The following NDUFAB1 variants were observed in gnomAD, a reference collection of about 807,000 sequenced individuals.
The protein encoded by NDUFAB1 is NADH:ubiquinone oxidoreductase subunit AB1.
NDUFAB1 carries 5 observed loss-of-function variants against 16.1 expected under a neutral mutation model. The observed-to-expected ratio is 0.31, with a 90% CI of 0.16 to 0.65. NDUFAB1 has a LOEUF of 0.65. NDUFAB1 is among the 30% of genes least tolerant of loss of function. The pLI is 0.77. For missense variants in NDUFAB1, 187 were observed against 205.3 expected, an observed-to-expected ratio of 0.91 and a Z score of 0.54; for synonymous variants, 85 against 78.4, an observed-to-expected ratio of 1.08 and a Z score of -0.44.
chr16:23,595,143 C>CG (rs200427402), intron 1 of NDUFAB1, among the ~76,000 whole-genome samples: 18 of 151,976 alleles, frequency 1.2e-4, no homozygotes, highest in South Asian at 1.0e-3. Flanking sequence ...CCCAAATACT[C>CG]GGGGGGGCTG....
intron 1 of NDUFAB1, among the ~76,000 whole-genome samples, chr16:23,595,801 A>C (rs1966320186): frequency 6.6e-6 from 1 of 152,184 alleles, no homozygotes; most frequent in Non-Finnish European, 1.5e-5. Flanking sequence ...TCTAATCCTC[A>C]TTGCTACTCC....
rs768567169 is a variant in NDUFAB1, at chr16:23,582,263, TAA to T, written c.*8+11_*8+12del. On this transcript the variant is annotated intron_variant, in intron 4 of 4. Coordinates refer to ENST00000007516, the MANE Select transcript of NDUFAB1 (RefSeq NM_005003.3). ...AAATCTATGGGTGAACATCATTTTT[TAA>T]GTCTATTTACCTGATACTTTATTCA... is the stretch of plus-strand genomic sequence containing the variant. 5.1e-5 allele frequency: 75 copies of T among 1,463,466 alleles called. No homozygotes were observed. In the Middle Eastern group the frequency reaches 7.2e-4, roughly 14 times the overall value. 90.7% of individuals were successfully genotyped at this position (1,463,466 alleles called of 1,614,324 possible). A position where few individuals can be genotyped will look rare whatever the true frequency, so the allele number is the denominator to read the frequency against.
At chr16:23,594,337 T>A (rs1966304421) in intron 1 of NDUFAB1, among the ~76,000 whole-genome samples, 1 of 152,056 alleles carries the variant, frequency 6.6e-6, no homozygotes, top group Non-Finnish European at 1.5e-5. Flanking sequence ...TAGTACTCAC[T>A]TCTAGATTCT....
chr16:23,585,245 T>A, intron 3 of NDUFAB1, 91 bp downstream of exon 3: 1 of 926,274 alleles, frequency 1.1e-6, no homozygotes, highest in Non-Finnish European at 1.7e-6. Context: ...TAATATTTAA[T>A]TCTAATTCCA....
At chr16:23,595,719 C>T (rs1597058035) in intron 1 of NDUFAB1, 1 of 458,700 alleles carries the variant, frequency 2.2e-6, no homozygotes, top group South Asian at 1.6e-5. Context: ...TGCCTCTTTG[C>T]ATGCTGCTTT....
At chr16:23,590,582 A>G (rs1412603356) in intron 1 of NDUFAB1, among the ~76,000 whole-genome samples, 1 of 151,232 alleles carries the variant, frequency 6.6e-6, no homozygotes, top group Non-Finnish European at 1.5e-5. Flanking sequence ...CCTTGGCTGT[A>G]GCGTAGCCCC....
intron 1 of NDUFAB1, among the ~76,000 whole-genome samples, chr16:23,595,271 A>AAACAAC (rs377092410): frequency 1.3e-5 from 2 of 152,110 alleles, no homozygotes; most frequent in African/African-American, 4.8e-5. Flanking sequence ...TCTGTCTCAA[A>AAACAAC]AACAACAACA....
At chr16:23,587,464 A>G in intron 1 of NDUFAB1, 145 bp from the exon 2 acceptor site, 1 of 1,031,368 alleles carries the variant, frequency 9.7e-7, no homozygotes, top group Non-Finnish European at 1.4e-6. Context: ...ACCAGGACAC[A>G]CTAAGTTGCA....
At chr16:23,588,901 C>T (rs1352945617) in intron 1 of NDUFAB1, among the ~76,000 whole-genome samples, 1 of 151,232 alleles carries the variant, frequency 6.6e-6, no homozygotes, top group Non-Finnish European at 1.5e-5. Flanking sequence ...TTGCTTGAAC[C>T]CAGACAGAGG....
At chr16:23,582,789 C>CTCTCCCTCTCCCTCTTCCCACGG (rs1567406816) in intron 3 of NDUFAB1, among the ~76,000 whole-genome samples, 5 of 147,328 alleles carry the variant, frequency 3.4e-5, no homozygotes, top group African/African-American at 5.0e-5. Context: ...CAAGGTCTCC[C>CTCTCCCTCTCCCTCTTCCCACGG]TCTCCCTCTC....
intron 3 of NDUFAB1, among the ~76,000 whole-genome samples, chr16:23,584,428 G>A (rs906550106): frequency 2.7e-5 from 4 of 150,924 alleles, no homozygotes; most frequent in South Asian, 4.2e-4. Context: ...CACTCGGCAC[G>A]TTCTCAAGGT....
intron 1 of NDUFAB1, among the ~76,000 whole-genome samples, chr16:23,588,948 T>C (rs1201249694): frequency 1.3e-5 from 2 of 151,548 alleles, no homozygotes; most frequent in Non-Finnish European, 2.9e-5. Flanking sequence ...GCACTCCACC[T>C]TGGGCCACAG....
chr16:23,595,306 G>A (rs1205613929), intron 1 of NDUFAB1: 4 of 285,834 alleles, frequency 1.4e-5, no homozygotes, highest in South Asian at 2.9e-5. Context: ...ACTGCCTCCC[G>A]GCGTTTCAGC....
At chr16:23,594,740 G>C (rs1966308625) in intron 1 of NDUFAB1, among the ~76,000 whole-genome samples, 2 of 150,516 alleles carry the variant, frequency 1.3e-5, no homozygotes, top group East Asian at 4.0e-4. Flanking sequence ...CGCCCGCCTC[G>C]GCCTCCCAAA....
chr16:23,581,040 A>G lies in NDUFAB1; in HGVS notation c.*142T>C, dbSNP rs3211337. On this transcript the variant is annotated 3_prime_UTR_variant, in exon 5 of 5. Transcript: ENST00000007516. ...TGGTTTTATAGATTTATTTTCAAAG[A>G]GTAAAACACATACAATTTAAATACA... The G allele has an allele frequency of 6.5e-5, 10 of 152,688 alleles. No individual in the cohort carries two copies. The highest frequency in any genetic ancestry group is 1.5e-4 in the Non-Finnish European group (10 of 68,044). The allele number at this position is 152,688 out of a possible 1,614,324, so 9.5% of individuals were successfully genotyped here. A position where few individuals can be genotyped will look rare whatever the true frequency, so the allele number is the denominator to read the frequency against.
intron 1 of NDUFAB1, 71 bp from the exon 2 acceptor site, chr16:23,587,390 A>G: frequency 6.4e-7 from 1 of 1,568,144 alleles, no homozygotes. Context: ...ACAAGCCTAT[A>G]GGTAACTTTC....
intron 2 of NDUFAB1, 83 bp downstream of exon 2, chr16:23,587,114 T>C: frequency 1.4e-6 from 2 of 1,386,264 alleles, no homozygotes; most frequent in East Asian, 2.3e-5. Flanking sequence ...AGATTTTTAC[T>C]GAGTATCTTT....
intron 3 of NDUFAB1, among the ~76,000 whole-genome samples, chr16:23,584,631 G>C (rs1028108047): frequency 5.9e-5 from 9 of 152,100 alleles, no homozygotes; most frequent in Non-Finnish European, 1.3e-4. Flanking sequence ...TTACAGCTGA[G>C]GAAACAGGCT....
At chr16:23,595,472 G>A in intron 1 of NDUFAB1, 3 of 423,858 alleles carry the variant, frequency 7.1e-6, no homozygotes, top group Non-Finnish European at 1.4e-5. Context: ...GGAAGAGCCT[G>A]CCCTCCTTAT....
Sources: allele counts gnomAD v4.1 joint callset (sites outside exome capture counted in the v4.1 genomes callset), GRCh38; gene constraint gnomAD v4.1.1; transcripts MANE v1.5; gene names NCBI Gene and HGNC (gene_info 2026-07-23, HGNC 2026-07-21).